Variants in CYP4Z1 observed in about 807,000 individuals in gnomAD.
CYP4Z1 encodes the protein cytochrome P450 4Z1.
In CYP4Z1, 41 loss-of-function variants were observed where a neutral mutation model predicts 54.2. The observed-to-expected ratio is 0.76, with a 90% confidence interval of 0.59 to 0.98. CYP4Z1 has a LOEUF of 0.98. Ranked by LOEUF, CYP4Z1 falls within the 50% of genes least tolerant of loss-of-function variation. The pLI is 0.00. For missense variants in CYP4Z1, 513 were observed against 599.0 expected (o/e 0.86, Z 1.50); for synonymous variants, 163 against 206.2 (o/e 0.79, Z 1.79).
chr1:47,079,714 A>C (rs1644549998), intron 2 of CYP4Z1, among the ~76,000 whole-genome samples: 1 of 152,230 alleles, frequency 6.6e-6, no homozygotes, highest in South Asian at 2.1e-4. Flanking sequence ...TAGGGAATAC[A>C]CTTGTGCCTT....
chr1:47,115,712 C>A, intron 10 of CYP4Z1, 119 bp downstream of exon 10: 2 of 974,364 alleles, frequency 2.1e-6, no homozygotes, highest in South Asian at 1.5e-5. Context: ...AAGAACAAAA[C>A]AGAACAAAAA....
chr1:47,083,969 G>T lies in CYP4Z1; in HGVS notation c.493-651G>T, dbSNP rs548674929. ...TTAATTAATTAATTCACATTACAGA[G>T]TTAATAACAGCTTAACAGTGTATAA... On this transcript the variant is annotated intron_variant, in intron 4 of 11. Coordinates refer to ENST00000334194, the MANE Select transcript of CYP4Z1 (RefSeq NM_178134.3). Among the ~76,000 whole-genome samples, 3 of 152,158 alleles carry T rather than the reference G, an allele frequency of 2.0e-5. No individual in the cohort carries two copies. The South Asian group carries it at 6.2e-4, about 32-fold the overall frequency.
chr1:47,090,477 T>C (rs1439579095), intron 6 of CYP4Z1, among the ~76,000 whole-genome samples: 3 of 152,236 alleles, frequency 2.0e-5, no homozygotes, highest in Non-Finnish European at 4.4e-5. Flanking sequence ...TACATAACAT[T>C]TCCCTTTGGG....
chr1:47,066,668 C>A (rs1644452755), upstream of CYP4Z1, among the ~76,000 whole-genome samples: 1 of 152,214 alleles, frequency 6.6e-6, no homozygotes, highest in Non-Finnish European at 1.5e-5. Context: ...CCAGAGCAAT[C>A]AGACAAAAGG....
chr1:47,068,073 C>A (rs936039937), intron 1 of CYP4Z1, among the ~76,000 whole-genome samples: 2 of 152,006 alleles, frequency 1.3e-5, no homozygotes, highest in African/African-American at 4.8e-5. Flanking sequence ...AAACATTTAG[C>A]AAATTAGAAA....
intron 6 of CYP4Z1, among the ~76,000 whole-genome samples, chr1:47,094,215 G>A (rs1644659691): frequency 2.6e-5 from 4 of 152,226 alleles, no homozygotes; most frequent in Admixed American, 2.6e-4. Flanking sequence ...ATTAAGCTCA[G>A]CGATTGGTAA....
the CYP4Z1 span, among the ~76,000 whole-genome samples, chr1:47,057,613 T>G: frequency 1.9e-4 from 29 of 151,014 alleles, no homozygotes; most frequent in East Asian, 2.9e-3. Flanking sequence ...GACTTTTCAT[T>G]ACTATACTTC....
intron 9 of CYP4Z1, among the ~76,000 whole-genome samples, chr1:47,111,944 T>C (rs368418391): frequency 9.6e-4 from 147 of 152,334 alleles, no homozygotes; most frequent in African/African-American, 3.3e-3. Context: ...AATTAATGGT[T>C]TGCCACTAAA....
At chr1:47,085,597 T>A (rs1356907916) in intron 6 of CYP4Z1, among the ~76,000 whole-genome samples, 12 of 152,226 alleles carry the variant, frequency 7.9e-5, no homozygotes, top group South Asian at 2.1e-4. Context: ...TCTGCTTTCC[T>A]TTGGTTAGTA....
At chr1:47,094,495 G>C in intron 6 of CYP4Z1, 71 bp from the exon 7 acceptor site, 1 of 1,090,474 alleles carries the variant, frequency 9.2e-7, no homozygotes, top group Non-Finnish European at 1.3e-6. Flanking sequence ...CAGCTTCTCA[G>C]AACTACATTT....
chr1:47,117,183 G>C (rs1454545251), intron 11 of CYP4Z1, among the ~76,000 whole-genome samples: 1 of 152,140 alleles, frequency 6.6e-6, no homozygotes, highest in Non-Finnish European at 1.5e-5. Context: ...AGTATGCCAG[G>C]TTATTGTTCT....
chr1:47,061,881 C>T, the CYP4Z1 span, among the ~76,000 whole-genome samples: 3,143 of 152,214 alleles, frequency 0.021, 54 homozygotes, highest in South Asian at 0.036. Flanking sequence ...GTTCAACATA[C>T]ACAAATCAAT....
In CYP4Z1 at chr1:47,117,769, C is replaced by T. The variant is rs1644840999; in HGVS notation, c.1353C>T (p.Asn451=). Residue 451 remains asparagine (N), a synonymous_variant, in exon 12 of 12, where the codon AAC becomes AAT. Transcript: ENST00000334194. ...AFIPFSAGLR[N]CIGQHFAIIE... is the part of the protein sequence containing the mutation. The stretch of plus-strand genomic sequence containing the variant: ...TTTTCTTTCTTGGTATCCCCAGGAA[C>T]TGCATTGGGCAGCATTTTGCCATAA... 17 of 1,609,854 alleles carry T rather than the reference C, an allele frequency of 1.1e-5. No homozygotes were observed. The highest frequency in any genetic ancestry group is 1.4e-5 in the Non-Finnish European group (17 of 1,177,874).
chr1:47,066,353 G>A (rs879900723), upstream of CYP4Z1, among the ~76,000 whole-genome samples: 1 of 151,822 alleles, frequency 6.6e-6, no homozygotes, highest in Admixed American at 6.6e-5. Context: ...TGGGATGCAG[G>A]GATGATTTAA....
rs1270280339 is a variant in CYP4Z1 at position 47,117,756 on chromosome 1, G to C, written c.1350-10G>C. ...ATTAGATGCCATGTTTTCTTTCTTG[G>C]TATCCCCAGGAACTGCATTGGGCAG... On this transcript the variant is annotated splice_polypyrimidine_tract_variant and intron_variant, in intron 11 of 11. Coordinates refer to ENST00000334194, the MANE Select transcript of CYP4Z1 (RefSeq NM_178134.3). The C allele has an allele frequency of 6.3e-7, 1 of 1,590,210 alleles. No individual in the cohort carries two copies. Among genetic ancestry groups the C allele is most frequent in the Non-Finnish European group, 8.6e-7 (1 of 1,168,762 alleles).
rs561693740 is a variant in CYP4Z1 at position 47,100,381 on chromosome 1, T to C, written c.1067+1097T>C. Among the ~76,000 whole-genome samples the C allele has an allele frequency of 2.6e-5, 4 of 152,320 alleles. No individual in the cohort carries two copies. In the South Asian group the frequency reaches 8.3e-4, roughly 32 times the overall value. On this transcript the variant is annotated intron_variant, in intron 8 of 11. Transcript: ENST00000334194. Reference sequence around the variant, plus strand: ...CACAGTCAACAGCAGTCCAAAAATATTAAATGAAAAATGCCATAAACAACA... The same window carrying C: ...CACAGTCAACAGCAGTCCAAAAATACTAAATGAAAAATGCCATAAACAACA...
intron 6 of CYP4Z1, among the ~76,000 whole-genome samples, chr1:47,090,085 TAGG>T (rs1644628198): frequency 6.6e-6 from 1 of 152,374 alleles, no homozygotes; most frequent in South Asian, 2.1e-4. Context: ...TCATCTTTTT[TAGG>T]ACAAGTATTT....
At chr1:47,093,309 G>A (rs1032222568) in intron 6 of CYP4Z1, among the ~76,000 whole-genome samples, 2 of 151,390 alleles carry the variant, frequency 1.3e-5, no homozygotes, top group Non-Finnish European at 2.9e-5. Flanking sequence ...TTGGGTCCCA[G>A]CACCCTGTTA....
chr1:47,067,553 C>A lies in CYP4Z1; in HGVS notation c.63C>A (p.Cys21Ter). 1 of 1,613,702 alleles carries A rather than the reference C, an allele frequency of 6.2e-7. No homozygotes were observed. Among genetic ancestry groups the A allele is most frequent in the Non-Finnish European group, 8.5e-7 (1 of 1,179,770 alleles). The change falls in exon 1 of 12, where the codon TGC becomes TGA. Residue 21 changes from cysteine to a stop codon, truncating the protein, a stop_gained. Transcript: ENST00000334194. LOFTEE classifies it high-confidence loss of function. ...CCTTCTTGCTGCTGATCCTCCTCTG[C>A]ATGTCTCTGCTGCTGTTTCAGGTAA... is the stretch of plus-strand genomic sequence containing the variant. ...AHPFLLLILL[C>*]MSLLLFQVIR...
Sources: allele counts gnomAD v4.1 joint callset (sites outside exome capture counted in the v4.1 genomes callset), GRCh38; gene constraint gnomAD v4.1.1; transcripts MANE v1.5; gene names NCBI Gene and HGNC (gene_info 2026-07-23, HGNC 2026-07-21).